FRK: variants seen among roughly 807,000 people sequenced by gnomAD.
FRK encodes tyrosine-protein kinase FRK.
In FRK, 51 loss-of-function variants were observed where a neutral mutation model predicts 56.4. The observed-to-expected ratio is 0.90, with a 90% CI of 0.72 to 1.14. The LOEUF (loss-of-function observed/expected upper bound fraction) is 1.14. Among genes scored for constraint, FRK ranks in the 50% most tolerant of loss-of-function variants. The pLI, the probability that FRK is intolerant of heterozygous loss-of-function variation, is 0.00. For missense variants in FRK, 570 were observed against 601.4 expected (o/e 0.95, Z 0.55); for synonymous variants, 245 against 217.9 (o/e 1.12, Z -1.10).
intron 2 of FRK, among the ~76,000 whole-genome samples, chr6:115,980,138 C>G (rs1389399047): frequency 6.6e-6 from 1 of 151,784 alleles, no homozygotes; most frequent in Non-Finnish European, 1.5e-5. Context: ...TAAGACGGAC[C>G]AGTTACCAAC....
chr6:115,956,511 T>C lies in FRK; in HGVS notation c.899A>G (p.Asp300Gly). 1 of 1,586,838 alleles carries C rather than the reference T, an allele frequency of 6.3e-7. No individual in the cohort carries two copies. The highest frequency in any genetic ancestry group is 8.6e-7 in the Non-Finnish European group (1 of 1,166,828). Reference sequence around the variant, plus strand: ...CAACTCTGTAATAATATAAATTGGATCTTCTAAAGTGCAAACAGCATAAAG... The same window carrying C: ...CAACTCTGTAATAATATAAATTGGACCTTCTAAAGTGCAAACAGCATAAAG... Reference protein sequence around the residue: ...IQLYAVCTLEDPIYIITELMR... With the variant: ...IQLYAVCTLEGPIYIITELMR... The change falls in exon 5 of 8, where the codon GAT (aspartate) becomes GGT (glycine). Residue 300 changes from aspartate (D) to glycine (G), a missense_variant. Transcript: ENST00000606080.
intron 1 of FRK, chr6:116,039,420 T>C: frequency 1.9e-6 from 3 of 1,573,404 alleles, no homozygotes; most frequent in Admixed American, 3.3e-5. Flanking sequence ...CCAGCCAGCC[T>C]GAAGTGGATG....
intron 1 of FRK, among the ~76,000 whole-genome samples, chr6:116,044,344 C>A (rs1254373286): frequency 6.6e-6 from 1 of 152,194 alleles, no homozygotes; most frequent in Non-Finnish European, 1.5e-5. Context: ...CAATAAAATA[C>A]TGGCAAACTG....
chr6:116,100,089 A>C, the FRK span, among the ~76,000 whole-genome samples: 1 of 152,260 alleles, frequency 6.6e-6, no homozygotes, highest in Non-Finnish European at 1.5e-5. Flanking sequence ...TATAAACCTT[A>C]AACCCGGTTT....
intron 5 of FRK, among the ~76,000 whole-genome samples, chr6:115,947,378 G>C (rs1772509409): frequency 6.6e-6 from 1 of 151,048 alleles, no homozygotes; most frequent in South Asian, 2.1e-4. Flanking sequence ...ACTTTTTTAA[G>C]GCAAGTAGCA....
chr6:116,089,693 A>T, the FRK span, among the ~76,000 whole-genome samples: 3 of 152,200 alleles, frequency 2.0e-5, no homozygotes, highest in Non-Finnish European at 4.4e-5. Flanking sequence ...TCTTCTTATA[A>T]GGACAACAGA....
At chr6:116,086,939 G>A in the FRK span, among the ~76,000 whole-genome samples, 1 of 152,174 alleles carries the variant, frequency 6.6e-6, no homozygotes, top group African/African-American at 2.4e-5. Context: ...ACAAAAAGAT[G>A]TAAAGATAAC....
chr6:116,051,402 T>C (rs144428571), intron 1 of FRK, among the ~76,000 whole-genome samples: 1 of 152,252 alleles, frequency 6.6e-6, no homozygotes, highest in East Asian at 1.9e-4. Context: ...AGAAAAATAT[T>C]CAACTAAAAA....
intron 2 of FRK, among the ~76,000 whole-genome samples, chr6:115,992,116 A>T (rs1442939383): frequency 6.6e-6 from 1 of 151,468 alleles, no homozygotes; most frequent in East Asian, 1.9e-4. Context: ...TTATCCTTTC[A>T]AAGAAATAAC....
At chr6:115,996,979 C>G (rs79156661) in intron 2 of FRK, among the ~76,000 whole-genome samples, 2,679 of 152,238 alleles carry the variant, frequency 0.018, 82 homozygotes, top group African/African-American at 0.062. Context: ...ACAAGGCATG[C>G]AGAAATATTT....
intron 1 of FRK, among the ~76,000 whole-genome samples, chr6:116,028,338 A>G (rs960698538): frequency 6.6e-6 from 1 of 152,194 alleles, no homozygotes; most frequent in African/African-American, 2.4e-5. Context: ...TGATTATTTA[A>G]AAACTGGATG....
At chr6:116,049,364 T>C (rs1249194754) in intron 1 of FRK, among the ~76,000 whole-genome samples, 1 of 152,212 alleles carries the variant, frequency 6.6e-6, no homozygotes, top group African/African-American at 2.4e-5. Context: ...CTTTTAGAAA[T>C]TCAGCTTGGT....
chr6:116,092,395 T>A, the FRK span, among the ~76,000 whole-genome samples: 1 of 152,180 alleles, frequency 6.6e-6, no homozygotes, highest in African/African-American at 2.4e-5. Context: ...TTTTGGGGCA[T>A]AACATCTTTA....
chr6:116,002,794 ACCTGCCTC>A, intron 2 of FRK: 1 of 436,702 alleles, frequency 2.3e-6, no homozygotes, highest in Non-Finnish European at 4.7e-6. Context: ...CCTCGGCAAC[ACCTGCCTC>A]AAAACCACTG....
Position 116,024,057 on chromosome 6 carries a change from TACACACACACACACACACACACAC to T in FRK, c.345-20083_345-20060del, listed in dbSNP as rs55922355. ...CTGCTGCTATAGAATCCTGAGAACT[TACACACACACACACACACACACAC>T]ACACACACACACACACACATTAGAC... On this transcript the variant is annotated intron_variant, in intron 1 of 7. Coordinates refer to ENST00000606080, the MANE Select transcript of FRK (RefSeq NM_002031.3). Among the ~76,000 whole-genome samples the T allele has an allele frequency of 1.5e-5, 2 of 136,592 alleles. 1 individual carries two copies. The highest frequency in any genetic ancestry group is 1.5e-4 in the Admixed American group (2 of 13,658). The allele number at this position is 136,592 out of a possible 152,430, so 89.6% of individuals were successfully genotyped here. A position where few individuals can be genotyped will look rare whatever the true frequency, so the allele number is the denominator to read the frequency against.
rs1258601372 is a variant in FRK, at chr6:115,942,059, A to C, written c.*355T>G. 4.6e-6 allele frequency: 1 copy of C among 219,388 alleles called. No individual in the cohort carries two copies. Among genetic ancestry groups the C allele is most frequent in the Non-Finnish European group, 9.2e-6 (1 of 108,310 alleles). 13.6% of individuals were successfully genotyped at this position (219,388 alleles called of 1,614,324 possible). On this transcript the variant is annotated 3_prime_UTR_variant, in exon 8 of 8. Coordinates refer to ENST00000606080, the MANE Select transcript of FRK (RefSeq NM_002031.3). ...TAACCACTCTAATCAGTAAACAGGA[A>C]AATGCTACAACAGTCACTGAGTAAA...
At chr6:116,067,906 A>G in the FRK span, among the ~76,000 whole-genome samples, 1 of 152,234 alleles carries the variant, frequency 6.6e-6, no homozygotes, top group Admixed American at 6.5e-5. Flanking sequence ...GCCATTAAAT[A>G]AGCAGACCGC....
intron 2 of FRK, among the ~76,000 whole-genome samples, chr6:115,997,535 G>A (rs748122929): frequency 9.2e-5 from 14 of 151,548 alleles, no homozygotes; most frequent in Non-Finnish European, 2.1e-4. Flanking sequence ...CCATCTCTCC[G>A]TAAATCATCT....
At position 115,941,885 on chromosome 6, in the gene FRK, A is replaced by G. The variant is rs2114504382; in HGVS notation, c.*529T>C. The G allele has an allele frequency of 6.5e-6, 1 of 152,924 alleles. No individual in the cohort carries two copies. Among genetic ancestry groups the G allele is most frequent in the East Asian group, 1.9e-4 (1 of 5,190 alleles). The allele number at this position is 152,924 out of a possible 1,614,324, so 9.5% of individuals were successfully genotyped here. On this transcript the variant is annotated 3_prime_UTR_variant, in exon 8 of 8. Transcript: ENST00000606080. Reference sequence around the variant, plus strand: ...CAATTACTCCAAGTACAATCAAGTCATTTAACATGGCTTTACCATCATTGT... The same window carrying G: ...CAATTACTCCAAGTACAATCAAGTCGTTTAACATGGCTTTACCATCATTGT...
Sources: allele counts gnomAD v4.1 joint callset (sites outside exome capture counted in the v4.1 genomes callset), GRCh38; gene constraint gnomAD v4.1.1; transcripts MANE v1.5; gene names NCBI Gene and HGNC (gene_info 2026-07-23, HGNC 2026-07-21).